ADGRF5: variants seen among roughly 807,000 people sequenced by gnomAD.
ADGRF5 encodes G-protein coupled receptor 116.
A neutral mutation model predicts 132.3 loss-of-function variants in ADGRF5; 75 were observed. The observed-to-expected ratio is 0.57, with a 90% confidence interval of 0.47 to 0.69. The LOEUF is 0.69. Among genes scored for constraint, ADGRF5 ranks in the 30% least tolerant of loss-of-function variants. ADGRF5 has a pLI of 0.00. For synonymous variants in ADGRF5, 629 were observed against 597.6 expected (o/e 1.05, Z -0.77); for missense variants, 1,516 against 1,630.6 (o/e 0.93, Z 1.21).
intron 8 of ADGRF5, among the ~76,000 whole-genome samples, chr6:46,880,612 TC>T (rs1772342097): frequency 6.6e-6 from 1 of 152,124 alleles, no homozygotes; most frequent in African/African-American, 2.4e-5. Context: ...CCTGGTTCTG[TC>T]CCACCCATAG....
intron 3 of ADGRF5, among the ~76,000 whole-genome samples, chr6:46,895,700 A>C (rs925190991): frequency 6.6e-6 from 1 of 151,076 alleles, no homozygotes; most frequent in Non-Finnish European, 1.5e-5. Flanking sequence ...AGAATAATCA[A>C]CTGGGGCTCT....
At chr6:46,942,269 C>T (rs1053347483) in intron 1 of ADGRF5, among the ~76,000 whole-genome samples, 32 of 152,224 alleles carry the variant, frequency 2.1e-4, no homozygotes, top group African/African-American at 7.7e-4. Flanking sequence ...TCACACCCCA[C>T]CCCAGGGTAG....
intron 7 of ADGRF5, 108 bp downstream of exon 7, chr6:46,881,941 C>T: frequency 1.2e-6 from 1 of 858,946 alleles, no homozygotes; most frequent in East Asian, 2.4e-5. Context: ...CCAAACTGCT[C>T]CTGCTGAGGA....
chr6:46,911,813 G>A (rs1775976795), intron 1 of ADGRF5, among the ~76,000 whole-genome samples: 1 of 152,096 alleles, frequency 6.6e-6, no homozygotes, highest in East Asian at 1.9e-4. Flanking sequence ...GGAAGTAGCA[G>A]TAAACAAGAC....
intron 16 of ADGRF5, 81 bp from the exon 17 acceptor site, chr6:46,859,604 C>T: frequency 1.2e-6 from 1 of 838,872 alleles, no homozygotes. Context: ...TTCCTAGAAA[C>T]TGATTGCATA....
chr6:46,867,035 G>A lies in ADGRF5; in HGVS notation c.1724C>T (p.Pro575Leu). 6.2e-7 allele frequency: 1 copy of A among 1,613,720 alleles called. No individual in the cohort carries two copies. Among genetic ancestry groups the A allele is most frequent in the Non-Finnish European group, 8.5e-7 (1 of 1,179,620 alleles). Reference sequence around the variant, plus strand: ...ACTGCATGAAACAGTAGCTTCCAAAGGATCAACCATGATGTTCAGCTTTAG... The same window carrying A: ...ACTGCATGAAACAGTAGCTTCCAAAAGATCAACCATGATGTTCAGCTTTAG... ...LPLKLNIMVD[P>L]LEATVSCSGS... Residue 575 changes from proline (P) to leucine (L), a missense_variant, in exon 13 of 21, where the codon CCT becomes CTT. Pro to Leu is a moderately conservative substitution (Grantham distance 98). Coordinates refer to ENST00000283296, the MANE Select transcript of ADGRF5 (RefSeq NM_001098518.2).
At position 46,856,802 on chromosome 6, in the gene ADGRF5, G is replaced by A. The variant is rs145749695; in HGVS notation, c.3817-25C>T. On this transcript the variant is annotated intron_variant, in intron 18 of 20. Coordinates refer to ENST00000283296, the MANE Select transcript of ADGRF5 (RefSeq NM_001098518.2). ...CCTGCATTGTTAAAAAGAAGCTATC[G>A]TAACTTCAACATGCCACAAGCACTT... is the stretch of plus-strand genomic sequence containing the variant. The A allele has an allele frequency of 6.8e-3, 10,854 of 1,597,728 alleles. 45 individuals carry two copies. Among genetic ancestry groups the A allele is most frequent in the Non-Finnish European group, 7.6e-3 (8,910 of 1,166,986 alleles).
chr6:46,921,910 A>G lies in ADGRF5; in HGVS notation c.-222T>C, dbSNP rs1183334173. ...ACCGCTCCCACGCTCAGCCTCCCCC[A>G]GCTATGATCCTCCCAGTCTCACAGA... On this transcript the variant is annotated 5_prime_UTR_variant, in exon 1 of 21. Coordinates refer to ENST00000283296, the MANE Select transcript of ADGRF5 (RefSeq NM_001098518.2). 1.3e-5 allele frequency: 2 copies of G among 152,288 alleles called. No individual in the cohort carries two copies. Among genetic ancestry groups the G allele is most frequent in the Non-Finnish European group, 1.5e-5 (1 of 68,132 alleles). The allele number at this position is 152,288 out of a possible 1,614,324, so 9.4% of individuals were successfully genotyped here.
chr6:46,875,357 G>A (rs1771537058), intron 10 of ADGRF5, among the ~76,000 whole-genome samples: 1 of 152,210 alleles, frequency 6.6e-6, no homozygotes, highest in Non-Finnish European at 1.5e-5. Flanking sequence ...GAGAAGGTAT[G>A]CAATTACAAT....
chr6:46,898,797 A>G (rs1161300847), intron 3 of ADGRF5, among the ~76,000 whole-genome samples: 2 of 152,184 alleles, frequency 1.3e-5, no homozygotes, highest in South Asian at 2.1e-4. Flanking sequence ...CATGGCTGAA[A>G]AAATGATTCC....
chr6:46,939,335 G>A (rs1277508049), intron 1 of ADGRF5, among the ~76,000 whole-genome samples: 4 of 152,178 alleles, frequency 2.6e-5, no homozygotes, highest in African/African-American at 9.7e-5. Flanking sequence ...GCTTAAGGAG[G>A]GCTCAAGGTG....
At position 46,910,174 on chromosome 6, in the gene ADGRF5, A is replaced by G. The variant is rs904371199; in HGVS notation, c.-24-3388T>C. ...GGTGGCTAGGAGCTGAGTTCGTCAG[A>G]ACTCCAAGAGATCTACCAATGATTC... On this transcript the variant is annotated intron_variant, in intron 1 of 20. Coordinates refer to ENST00000283296, the MANE Select transcript of ADGRF5 (RefSeq NM_001098518.2). 5.9e-5 allele frequency among the ~76,000 whole-genome samples: 9 copies of G among 152,284 alleles called. No individual in the cohort carries two copies. The East Asian group carries it at 1.5e-3, about 26-fold the overall frequency.
At chr6:46,873,770 A>G (rs1309031008) in intron 10 of ADGRF5, among the ~76,000 whole-genome samples, 1 of 152,214 alleles carries the variant, frequency 6.6e-6, no homozygotes, top group African/African-American at 2.4e-5. Context: ...CAATTGGTCC[A>G]TTTAAGAACT....
intron 20 of ADGRF5, among the ~76,000 whole-genome samples, chr6:46,855,293 C>G (rs568943103): frequency 6.6e-6 from 1 of 152,066 alleles, no homozygotes; most frequent in East Asian, 1.9e-4. Context: ...GGCGTCATCA[C>G]GAATGCCGAG....
intron 3 of ADGRF5, among the ~76,000 whole-genome samples, chr6:46,888,966 C>T (rs991841723): frequency 6.6e-6 from 1 of 152,058 alleles, no homozygotes; most frequent in Non-Finnish European, 1.5e-5. Flanking sequence ...TGCTCTTCCT[C>T]TGTATCTCCA....
At chr6:46,876,470 T>C (rs1771670385) in intron 10 of ADGRF5, among the ~76,000 whole-genome samples, 1 of 152,240 alleles carries the variant, frequency 6.6e-6, no homozygotes, top group Non-Finnish European at 1.5e-5. Flanking sequence ...ACTCCATGTA[T>C]CATGTGTCAA....
chr6:46,892,302 G>A (rs1413432668), intron 3 of ADGRF5, among the ~76,000 whole-genome samples: 1 of 151,892 alleles, frequency 6.6e-6, no homozygotes, highest in Non-Finnish European at 1.5e-5. Flanking sequence ...AAAAATATGA[G>A]TTATTATTGT....
chr6:46,877,305 CTTT>C (rs1771872134), intron 10 of ADGRF5, among the ~76,000 whole-genome samples: 1 of 57,440 alleles, frequency 1.7e-5, no homozygotes, highest in African/African-American at 8.0e-5. Context: ...CTCTCTCTCT[CTTT>C]CCTTCCTTCC....
intron 11 of ADGRF5, among the ~76,000 whole-genome samples, chr6:46,871,326 T>C (rs772641138): frequency 1.3e-5 from 2 of 152,082 alleles, no homozygotes; most frequent in Non-Finnish European, 2.9e-5. Context: ...GTTCCAACCA[T>C]AAAATAACCA....
Sources: gnomAD v4.1 joint callset for allele counts (sites outside exome capture counted in the v4.1 genomes callset) on GRCh38, gnomAD v4.1.1 for gene constraint, MANE v1.5 for transcripts, NCBI Gene and HGNC (gene_info 2026-07-23, HGNC 2026-07-21) for gene names.